TMTC2: variants seen among roughly 807,000 people sequenced by gnomAD.
TMTC2 encodes transmembrane O-mannosyltransferase targeting cadherins 2, also known as protein O-mannosyl-transferase TMTC2.
TMTC2 carries 43 observed loss-of-function variants against 82.4 expected under a neutral mutation model. The ratio of observed to expected loss-of-function variants is 0.52; its 90% confidence interval spans 0.41 to 0.67. TMTC2 has a LOEUF of 0.67. Among genes scored for constraint, TMTC2 ranks in the 30% least tolerant of loss-of-function variants. The pLI, the probability that TMTC2 is intolerant of heterozygous loss-of-function variation, is 0.00. For synonymous variants in TMTC2, 408 were observed against 381.9 expected, an observed-to-expected ratio of 1.07 and a Z score of -0.80; for missense variants, 919 against 1,012.4, an observed-to-expected ratio of 0.91 and a Z score of 1.25.
At chr12:83,030,754 C>T in intron 8 of TMTC2, 44 bp from the exon 9 acceptor site, 1 of 1,462,672 alleles carries the variant, frequency 6.8e-7, no homozygotes, top group Non-Finnish European at 9.6e-7. Flanking sequence ...TGAAGAATCC[C>T]TCATGATCTG....
At chr12:82,725,767 G>A (rs922563051) in intron 1 of TMTC2, among the ~76,000 whole-genome samples, 4 of 152,206 alleles carry the variant, frequency 2.6e-5, no homozygotes, top group Non-Finnish European at 4.4e-5. Context: ...GGGCATCCAG[G>A]TAATAGGTAA....
At chr12:82,699,271 G>A (rs1872958644) in intron 1 of TMTC2, among the ~76,000 whole-genome samples, 1 of 152,148 alleles carries the variant, frequency 6.6e-6, no homozygotes, top group Admixed American at 6.5e-5. Context: ...CATTACAAAA[G>A]CAGTTTTTGT....
At chr12:82,728,461 C>T (rs186004292) in intron 1 of TMTC2, among the ~76,000 whole-genome samples, 1 of 152,078 alleles carries the variant, frequency 6.6e-6, no homozygotes, top group Non-Finnish European at 1.5e-5. Context: ...TGGCTCACTC[C>T]TGTAATCCCA....
At chr12:82,937,750 G>GTGTATA (rs1876420668) in intron 4 of TMTC2, among the ~76,000 whole-genome samples, 2 of 106,036 alleles carry the variant, frequency 1.9e-5, no homozygotes. Flanking sequence ...GTGTGTGTGT[G>GTGTATA]TATATATATA....
chr12:82,702,328 T>G (rs974342332), intron 1 of TMTC2, among the ~76,000 whole-genome samples: 2 of 152,180 alleles, frequency 1.3e-5, no homozygotes, highest in African/African-American at 4.8e-5. Flanking sequence ...TAACAGCAAG[T>G]GGAAAGCTCC....
At chr12:82,809,656 C>G (rs907954557) in intron 1 of TMTC2, among the ~76,000 whole-genome samples, 2 of 152,088 alleles carry the variant, frequency 1.3e-5, no homozygotes, top group Non-Finnish European at 2.9e-5. Context: ...TTTACCTATC[C>G]TCCCTGGGAT....
intron 4 of TMTC2, among the ~76,000 whole-genome samples, chr12:82,958,370 AC>A (rs1304920837): frequency 0.34 from 6,495 of 19,174 alleles, 830 homozygotes; most frequent in African/African-American, 0.39. Context: ...AAAAAAAAAA[AC>A]AAAAAAAACA....
intron 1 of TMTC2, among the ~76,000 whole-genome samples, chr12:82,770,466 A>C (rs886996643): frequency 1.3e-5 from 2 of 152,016 alleles, no homozygotes; most frequent in African/African-American, 4.8e-5. Flanking sequence ...CTTAGATAGA[A>C]TTTAGTATGC....
chr12:82,968,435 G>A (rs1490497198), intron 7 of TMTC2, among the ~76,000 whole-genome samples: 1 of 152,064 alleles, frequency 6.6e-6, no homozygotes, highest in African/African-American at 2.4e-5. Flanking sequence ...TATTTTAATG[G>A]TAGATGTTTT....
At chr12:82,969,505 A>C (rs1194216488) in intron 7 of TMTC2, among the ~76,000 whole-genome samples, 1 of 152,202 alleles carries the variant, frequency 6.6e-6, no homozygotes, top group Non-Finnish European at 1.5e-5. Flanking sequence ...GTGTAGTACT[A>C]AATTCACTGC....
chr12:83,113,929 A>G (rs1239914253), intron 11 of TMTC2, among the ~76,000 whole-genome samples: 1 of 152,166 alleles, frequency 6.6e-6, no homozygotes, highest in Non-Finnish European at 1.5e-5. Flanking sequence ...GCTGTGGTGA[A>G]TTCACTCAGT....
At chr12:82,876,025 T>TGGC (rs1269782912) in intron 2 of TMTC2, among the ~76,000 whole-genome samples, 2 of 87,342 alleles carry the variant, frequency 2.3e-5, no homozygotes, top group Non-Finnish European at 4.6e-5. Context: ...GTAGTAGTGG[T>TGGC]GGCGGTGGTG....
chr12:82,823,386 C>G (rs1869227817), intron 1 of TMTC2, among the ~76,000 whole-genome samples: 1 of 152,136 alleles, frequency 6.6e-6, no homozygotes, highest in Non-Finnish European at 1.5e-5. Flanking sequence ...AGACTGTTAG[C>G]TGTATGTTTA....
At chr12:82,940,073 T>C (rs1876625498) in intron 4 of TMTC2, among the ~76,000 whole-genome samples, 1 of 144,592 alleles carries the variant, frequency 6.9e-6, no homozygotes, top group Admixed American at 7.5e-5. Flanking sequence ...CAGGCTAGAG[T>C]GCAGTGGCGC....
At chr12:83,087,755 G>A (rs1883710110) in intron 11 of TMTC2, among the ~76,000 whole-genome samples, 1 of 152,174 alleles carries the variant, frequency 6.6e-6, no homozygotes, top group Admixed American at 6.5e-5. Context: ...AGGCCATAGT[G>A]TAAACAGATG....
chr12:83,102,315 G>A (rs751162775), intron 11 of TMTC2, among the ~76,000 whole-genome samples: 7 of 152,192 alleles, frequency 4.6e-5, no homozygotes, highest in Non-Finnish European at 7.3e-5. Flanking sequence ...TGAAGTAGTA[G>A]TGCCTGTGCT....
intron 9 of TMTC2, among the ~76,000 whole-genome samples, chr12:83,043,236 A>G (rs966328501): frequency 3.9e-5 from 6 of 152,186 alleles, no homozygotes; most frequent in African/African-American, 1.4e-4. Context: ...ATTAGTGTTA[A>G]CAAGCTACCA....
intron 3 of TMTC2, among the ~76,000 whole-genome samples, chr12:82,926,284 A>G (rs1311972263): frequency 6.6e-6 from 1 of 152,184 alleles, no homozygotes. Context: ...CGGCCACGGG[A>G]AAGTTTTATT....
chr12:82,711,357 G>T (rs1201272119), intron 1 of TMTC2, among the ~76,000 whole-genome samples: 1 of 151,944 alleles, frequency 6.6e-6, no homozygotes, highest in African/African-American at 2.4e-5. Flanking sequence ...AGGGGTCTTA[G>T]TACTGGGTAG....
Sources: allele counts gnomAD v4.1 joint callset (sites outside exome capture counted in the v4.1 genomes callset), GRCh38; gene constraint gnomAD v4.1.1; transcripts MANE v1.5; gene names NCBI Gene and HGNC (gene_info 2026-07-23, HGNC 2026-07-21).